PTPRM: variants seen among roughly 807,000 people sequenced by gnomAD.
PTPRM encodes the protein protein tyrosine phosphatase receptor type M.
Under a neutral mutation model 186.7 loss-of-function variants are expected in PTPRM, and 47 were observed. The observed-to-expected ratio is 0.25, with a 90% CI of 0.20 to 0.32. The LOEUF (loss-of-function observed/expected upper bound fraction) is 0.32. PTPRM is among the 10% of genes least tolerant of loss of function. The pLI, the probability that PTPRM is intolerant of heterozygous loss-of-function variation, is 1.00. For synonymous variants in PTPRM, 668 were observed against 674.9 expected (o/e 0.99, Z 0.16); for missense variants, 1,494 against 1,865.0 (o/e 0.80, Z 3.66).
intron 1 of PTPRM, among the ~76,000 whole-genome samples, chr18:7,772,359 C>CTTTCTTTCTTTCT: frequency 2.3e-5 from 1 of 43,214 alleles, no homozygotes; most frequent in Middle Eastern, 0.012. Flanking sequence ...CTCTTTCTTT[C>CTTTCTTTCTTTCT]TTTCTTTCTT....
At chr18:8,024,679 ATCT>A (rs1283258993) in intron 7 of PTPRM, among the ~76,000 whole-genome samples, 81 of 62,478 alleles carry the variant, frequency 1.3e-3, no homozygotes, top group Non-Finnish European at 2.3e-3. Flanking sequence ...GGAAACCCAA[ATCT>A]TTTTTTTTTT....
intron 2 of PTPRM, among the ~76,000 whole-genome samples, chr18:7,855,828 T>C (rs1015317532): frequency 6.6e-6 from 1 of 152,224 alleles, no homozygotes; most frequent in East Asian, 1.9e-4. Context: ...TGAACACAGA[T>C]TCAGAGTAAG....
chr18:8,122,338 G>A (rs575176666), intron 13 of PTPRM: 1 of 152,746 alleles, frequency 6.5e-6, no homozygotes, highest in South Asian at 2.1e-4. Flanking sequence ...AAGTATAGAC[G>A]AGTCATCTTG....
intron 2 of PTPRM, among the ~76,000 whole-genome samples, chr18:7,886,114 T>G (rs1487414336): frequency 6.6e-6 from 1 of 152,214 alleles, no homozygotes; most frequent in African/African-American, 2.4e-5. Flanking sequence ...ATGTCATGCC[T>G]CAGCTCCACC....
chr18:8,068,431 T>C (rs935864298), intron 7 of PTPRM, among the ~76,000 whole-genome samples: 14 of 152,332 alleles, frequency 9.2e-5, no homozygotes, highest in African/African-American at 3.4e-4. Context: ...GTAAATGTTA[T>C]TTATGTAGTA....
At chr18:8,165,849 TC>T (rs1280504290) in intron 14 of PTPRM, among the ~76,000 whole-genome samples, 23 of 152,078 alleles carry the variant, frequency 1.5e-4, no homozygotes, top group Non-Finnish European at 3.2e-4. Flanking sequence ...ATTGTGCAGT[TC>T]CCCCCTTATG....
At chr18:7,891,158 T>C (rs7244280) in intron 3 of PTPRM, among the ~76,000 whole-genome samples, 120,842 of 151,136 alleles carry the variant, frequency 0.8, 48,745 homozygotes, top group East Asian at 0.93. Context: ...TGGTGGCGTG[T>C]GCCTGTAGTT....
chr18:8,319,965 C>T (rs2095335501), intron 22 of PTPRM, among the ~76,000 whole-genome samples: 2 of 152,028 alleles, frequency 1.3e-5, no homozygotes, highest in East Asian at 1.9e-4. Context: ...GGGTCATCTG[C>T]AGATGGTGGG....
intron 2 of PTPRM, among the ~76,000 whole-genome samples, chr18:7,776,328 A>C (rs2042577518): frequency 6.6e-6 from 1 of 152,098 alleles, no homozygotes; most frequent in Non-Finnish European, 1.5e-5. Flanking sequence ...CATTGTTTGG[A>C]CCTGAGAGTG....
chr18:7,696,858 C>G (rs2039856073), intron 1 of PTPRM, among the ~76,000 whole-genome samples: 1 of 152,208 alleles, frequency 6.6e-6, no homozygotes, highest in Non-Finnish European at 1.5e-5. Flanking sequence ...CCAGTTCATG[C>G]TGATCATCCT....
chr18:7,857,315 T>A (rs1281415330), intron 2 of PTPRM, among the ~76,000 whole-genome samples: 1 of 151,988 alleles, frequency 6.6e-6, no homozygotes, highest in Non-Finnish European at 1.5e-5. Context: ...TGAAATAGAG[T>A]AACAGATTAA....
At chr18:7,884,991 G>A (rs1487365248) in intron 2 of PTPRM, among the ~76,000 whole-genome samples, 2 of 149,380 alleles carry the variant, frequency 1.3e-5, no homozygotes, top group African/African-American at 4.9e-5. Context: ...GAAGAACAGG[G>A]TTGGGGCTGA....
intron 3 of PTPRM, among the ~76,000 whole-genome samples, chr18:7,901,102 A>G (rs2049652853): frequency 6.6e-6 from 1 of 152,120 alleles, no homozygotes; most frequent in Non-Finnish European, 1.5e-5. Context: ...AAACATTCCT[A>G]TGATTCCCAC....
chr18:7,915,309 G>A lies in PTPRM; in HGVS notation c.547+8726G>A, dbSNP rs144205720. 1.6e-3 allele frequency among the ~76,000 whole-genome samples: 242 copies of A among 152,274 alleles called. 1 individual carries two copies. The highest frequency in any genetic ancestry group is 5.3e-3 in the African/African-American group (222 of 41,568). On this transcript the variant is annotated intron_variant, in intron 4 of 32. Transcript: ENST00000580170. The stretch of plus-strand genomic sequence containing the variant: ...TAGAAGAAAGCTGGCATAGCATTTT[G>A]AAAGGGTATCCAGGAGACAAGTGGG...
At chr18:7,980,226 TA>T (rs2147428727) in intron 7 of PTPRM, among the ~76,000 whole-genome samples, 1 of 152,188 alleles carries the variant, frequency 6.6e-6, no homozygotes, top group Admixed American at 6.5e-5. Flanking sequence ...ACATCAATCA[TA>T]AATCTCATGT....
At chr18:8,368,946 G>A (rs1320203966) in intron 23 of PTPRM, among the ~76,000 whole-genome samples, 1 of 152,102 alleles carries the variant, frequency 6.6e-6, no homozygotes, top group African/African-American at 2.4e-5. Flanking sequence ...ATCATACCAG[G>A]GTCAGAACAA....
intron 14 of PTPRM, among the ~76,000 whole-genome samples, chr18:8,204,469 T>C (rs1165295125): frequency 6.6e-6 from 1 of 151,802 alleles, no homozygotes; most frequent in Admixed American, 6.6e-5. Flanking sequence ...GAAAGCACAG[T>C]GCCATCTTAG....
At chr18:7,955,049 T>C (rs2053223311) in intron 6 of PTPRM, 72 bp from the exon 7 acceptor site, 2 of 1,378,252 alleles carry the variant, frequency 1.5e-6, no homozygotes, top group Admixed American at 4.6e-5. Context: ...ATTTTAATAA[T>C]TGATGCATGT....
chr18:8,261,729 A>C (rs905073830), intron 19 of PTPRM, among the ~76,000 whole-genome samples: 11 of 152,170 alleles, frequency 7.2e-5, no homozygotes, highest in Non-Finnish European at 1.6e-4. Flanking sequence ...TAGATTAAAA[A>C]TTGTTATTTC....
Sources: gnomAD v4.1 joint callset for allele counts (sites outside exome capture counted in the v4.1 genomes callset) on GRCh38, gnomAD v4.1.1 for gene constraint, MANE v1.5 for transcripts, NCBI Gene and HGNC (gene_info 2026-07-23, HGNC 2026-07-21) for gene names.